The following NPC1 variants were observed in gnomAD, a reference collection of about 807,000 sequenced individuals.
NPC1 encodes NPC intracellular cholesterol transporter 1.
NPC1 carries 85 observed loss-of-function variants against 140.4 expected under a neutral mutation model. That is an observed-to-expected ratio of 0.61 (90% CI 0.51 to 0.72). The LOEUF is 0.72. NPC1 is among the 30% of genes least tolerant of loss of function. The pLI is 0.00. For synonymous variants in NPC1, 656 were observed against 624.8 expected, an observed-to-expected ratio of 1.05 and a Z score of -0.74; for missense variants, 1,504 against 1,623.8, an observed-to-expected ratio of 0.93 and a Z score of 1.27.
chr18:23,574,243 GGTCA>G (rs2059243670), intron 1 of NPC1, among the ~76,000 whole-genome samples: 1 of 152,080 alleles, frequency 6.6e-6, no homozygotes, highest in Non-Finnish European at 1.5e-5. Flanking sequence ...GGAGGGGAGG[GGTCA>G]GTGTGAATCA....
intron 2 of NPC1, among the ~76,000 whole-genome samples, chr18:23,573,236 G>A (rs537814918): frequency 6.6e-6 from 1 of 152,226 alleles, no homozygotes; most frequent in Non-Finnish European, 1.5e-5. Context: ...AACTTTATGA[G>A]AGGTATAAAG....
At chr18:23,541,507 G>A (rs2058713763) in intron 14 of NPC1, 74 bp from the exon 15 acceptor site, 4 of 1,590,428 alleles carry the variant, frequency 2.5e-6, no homozygotes, top group African/African-American at 2.7e-5. Flanking sequence ...ATGTTCATGT[G>A]CATGTACAGA....
downstream of NPC1, chr18:23,530,078 T>A (rs747411365): frequency 6.2e-7 from 1 of 1,614,238 alleles, no homozygotes; most frequent in Non-Finnish European, 8.5e-7. Context: ...ACAACCTCTT[T>A]TATATGCTGC....
chr18:23,534,152 C>A (rs948757719), intron 23 of NPC1: 12 of 526,478 alleles, frequency 2.3e-5, no homozygotes, highest in Non-Finnish European at 4.1e-5. Context: ...ACGCTGGGTT[C>A]TGGCCCGGGC....
intron 1 of NPC1, among the ~76,000 whole-genome samples, chr18:23,576,123 C>G (rs1171786094): frequency 6.6e-6 from 1 of 152,124 alleles, no homozygotes; most frequent in African/African-American, 2.4e-5. Flanking sequence ...ACTTAGGAGG[C>G]TGAGGCAAGA....
rs368182150 is a variant in NPC1 at position 23,573,464 on chromosome 18, A to G, written c.168T>C (p.Tyr56=). ...GPPKPLPKDG[Y]DLVQELCPGF... ...ATAATGAACTTACCTGCACTAAGTC[A>G]TATCCATCCTTTGGCAATGGTTTTG... The change falls in exon 2 of 25, where the codon TAT becomes TAC. Residue 56 remains tyrosine (Y), a synonymous_variant. Transcript: ENST00000269228. 1.2e-6 allele frequency: 2 copies of G among 1,614,048 alleles called. No homozygotes were observed. Among genetic ancestry groups the G allele is most frequent in the African/African-American group, 2.7e-5 (2 of 74,930 alleles).
chr18:23,563,284 CTGAGT>C (rs1462115689), intron 4 of NPC1, among the ~76,000 whole-genome samples: 6 of 152,202 alleles, frequency 3.9e-5, no homozygotes, highest in African/African-American at 1.4e-4. Flanking sequence ...TGATAAATAT[CTGAGT>C]TGTTTCCACA....
chr18:23,545,267 G>A (rs2058773173), intron 11 of NPC1, 118 bp from the exon 12 acceptor site: 3 of 752,716 alleles, frequency 4.0e-6, no homozygotes, highest in Non-Finnish European at 6.8e-6. Flanking sequence ...TTTTGAGACT[G>A]ATTCTCGCTC....
At chr18:23,572,037 T>TACA in intron 3 of NPC1, 37 bp downstream of exon 3, 2 of 1,366,580 alleles carry the variant, frequency 1.5e-6, no homozygotes, top group Non-Finnish European at 1.0e-6. Context: ...CACAAGTATC[T>TACA]ACAGCCCAGT....
At chr18:23,536,172 G>A (rs144482009) in intron 21 of NPC1, among the ~76,000 whole-genome samples, 20 of 152,294 alleles carry the variant, frequency 1.3e-4, no homozygotes, top group South Asian at 6.2e-4. Flanking sequence ...AGATCATGGG[G>A]AGGCAGGAAA....
intron 1 of NPC1, among the ~76,000 whole-genome samples, chr18:23,577,406 T>C (rs2059299634): frequency 2.0e-5 from 3 of 147,992 alleles, no homozygotes; most frequent in Non-Finnish European, 3.0e-5. Flanking sequence ...GACATAAAGG[T>C]TCTCCACGTC....
At chr18:23,575,474 TAGG>T (rs2059262105) in intron 1 of NPC1, among the ~76,000 whole-genome samples, 1 of 151,990 alleles carries the variant, frequency 6.6e-6, no homozygotes. Flanking sequence ...CGTAACCACG[TAGG>T]AGTTTTCCTA....
At chr18:23,516,045 T>A in intron 3 of NPC1, 3 of 1,612,304 alleles carry the variant, frequency 1.9e-6, no homozygotes, top group Non-Finnish European at 2.5e-6. Context: ...AGTTGTCCCC[T>A]GTTCCTGTAG....
rs1029505668 is a variant in NPC1 at position 23,568,885 on chromosome 18, G to C, written c.401C>G (p.Thr134Arg). Reference sequence around the variant, plus strand: ...TTTCACATTTGTTTTCGTCTGGTTTGTAACAGGATCAACATAATCTTCAGT... The same window carrying C: ...TTTCACATTTGTTTTCGTCTGGTTTCTAACAGGATCAACATAATCTTCAGT... The part of the protein sequence containing the change: ...TATEDYVDPV[T>R]NQTKTNVKEL... The change falls in exon 4 of 25, where the codon ACA becomes AGA. Residue 134 changes from threonine (T) to arginine (R), a missense_variant. By Grantham distance (71) the Thr-to-Arg change is moderately conservative. Coordinates refer to ENST00000269228, the MANE Select transcript of NPC1 (RefSeq NM_000271.5). The C allele has an allele frequency of 1.2e-6, 2 of 1,613,892 alleles. No homozygotes were observed. Among genetic ancestry groups the C allele is most frequent in the Non-Finnish European group, 8.5e-7 (1 of 1,179,884 alleles).
chr18:23,529,550 A>G, downstream of NPC1: 2 of 1,345,290 alleles, frequency 1.5e-6, no homozygotes, highest in Non-Finnish European at 2.1e-6. Flanking sequence ...TAAGATGGAA[A>G]CAAGGTGGGG....
At chr18:23,540,590 G>A (rs1237945504) in intron 16 of NPC1, 53 bp from the exon 17 acceptor site, 2 of 1,272,328 alleles carry the variant, frequency 1.6e-6, no homozygotes, top group Non-Finnish European at 1.1e-6. Flanking sequence ...ATAAGCTTAC[G>A]ACCAGAAATA....
Position 23,538,596 on chromosome 18 carries a change from A to G in NPC1, c.2987T>C (p.Met996Thr). ...CGAAAGGAACATGGGCAGGAATCTC[A>G]TGAAGTCTCCCCCCTGAGGCCTCTG... ...GKQRPQGGDF[M>T]RFLPMFLSDN... The change falls in exon 20 of 25, where the codon ATG becomes ACG. Residue 996 changes from methionine (M) to threonine (T), a missense_variant. Transcript: ENST00000269228. The G allele has an allele frequency of 6.4e-7, 1 of 1,570,342 alleles. No homozygotes were observed. Among genetic ancestry groups the G allele is most frequent in the Non-Finnish European group, 8.8e-7 (1 of 1,140,394 alleles).
chr18:23,525,384 C>G (rs1249446811), downstream of NPC1, among the ~76,000 whole-genome samples: 1 of 151,420 alleles, frequency 6.6e-6, no homozygotes, highest in Non-Finnish European at 1.5e-5. Flanking sequence ...AGTAGCTGGG[C>G]CTACAGGCGC....
chr18:23,522,825 G>C (rs1305993524), exon 2 of NPC1: 2 of 152,360 alleles, frequency 1.3e-5, no homozygotes, highest in Admixed American at 1.3e-4. Context: ...CTGCTGGGCT[G>C]TGAGCCCTGG....
Sources: allele counts gnomAD v4.1 joint callset (sites outside exome capture counted in the v4.1 genomes callset), GRCh38; gene constraint gnomAD v4.1.1; transcripts MANE v1.5; gene names NCBI Gene and HGNC (gene_info 2026-07-23, HGNC 2026-07-21).